The following ANXA4 variants were observed in gnomAD, a reference collection of about 807,000 sequenced individuals.
ANXA4 encodes annexin A4, also known as 35-beta calcimedin.
A neutral mutation model predicts 49.8 loss-of-function variants in ANXA4; 39 were observed. The observed-to-expected ratio is 0.78, with a 90% confidence interval of 0.61 to 1.02. ANXA4 has a LOEUF of 1.02. ANXA4 is among the 50% of genes least tolerant of loss of function. The pLI is 0.00. For synonymous variants in ANXA4, 134 were observed against 152.5 expected, an observed-to-expected ratio of 0.88 and a Z score of 0.89; for missense variants, 360 against 410.1, an observed-to-expected ratio of 0.88 and a Z score of 1.05.
chr2:69,690,042 G>C (rs956270784), intron 2 of ANXA4, among the ~76,000 whole-genome samples: 10 of 152,044 alleles, frequency 6.6e-5, no homozygotes, highest in African/African-American at 2.2e-4. Context: ...AAAGTCTAAG[G>C]ATCACTCCAT....
rs1674443105 is a variant in ANXA4, at chr2:69,825,675, A to G, written c.*160A>G. On this transcript the variant is annotated 3_prime_UTR_variant, in exon 13 of 13. Coordinates refer to ENST00000394295, the MANE Select transcript of ANXA4 (RefSeq NM_001153.5). ...AGACTGTCTGTATTATTATTCACCT[A>G]TAATTAGTCATTATGATGCTTTAAA... 2 of 524,502 alleles carry G rather than the reference A, an allele frequency of 3.8e-6. No homozygotes were observed. The highest frequency in any genetic ancestry group is 3.8e-5 in the Admixed American group (1 of 26,022). The allele number at this position is 524,502 out of a possible 1,614,324, so 32.5% of individuals were successfully genotyped here.
intron 3 of ANXA4, among the ~76,000 whole-genome samples, chr2:69,727,546 T>G (rs770648170): frequency 1.1e-4 from 16 of 152,370 alleles, no homozygotes; most frequent in Non-Finnish European, 8.8e-5. Flanking sequence ...TATTTTGATA[T>G]TCTGTTTTAT....
At chr2:69,737,258 A>C (rs1209384638), upstream of ANXA4, among the ~76,000 whole-genome samples, 2 of 152,152 alleles carry the variant, frequency 1.3e-5, no homozygotes, top group Non-Finnish European at 2.9e-5. Context: ...AGTCTTCTAA[A>C]GTTTTATCAC....
intron 1 of ANXA4, among the ~76,000 whole-genome samples, chr2:69,749,922 CA>C (rs70954355): frequency 7.6e-4 from 106 of 138,912 alleles, no homozygotes; most frequent in South Asian, 9.2e-4. Flanking sequence ...GACTCTATCT[CA>C]AAAAAAAAAA....
At chr2:69,649,067 G>A (rs1191762715) in intron 1 of ANXA4, among the ~76,000 whole-genome samples, 3 of 151,744 alleles carry the variant, frequency 2.0e-5, no homozygotes, top group African/African-American at 4.8e-5. Context: ...TGCATTTTTA[G>A]TAGAGATGGG....
intron 1 of ANXA4, among the ~76,000 whole-genome samples, chr2:69,745,983 CT>C (rs1670595654): frequency 6.6e-6 from 1 of 151,922 alleles, no homozygotes; most frequent in Non-Finnish European, 1.5e-5. Context: ...TAAAACCTTC[CT>C]TCTCAAGGAT....
chr2:69,691,082 G>A (rs1677948637), intron 2 of ANXA4, among the ~76,000 whole-genome samples: 1 of 151,770 alleles, frequency 6.6e-6, no homozygotes, highest in East Asian at 1.9e-4. Flanking sequence ...ACTCTGCCTG[G>A]GAGAACCGCC....
At chr2:69,647,836 T>C (rs1478717692) in intron 1 of ANXA4, among the ~76,000 whole-genome samples, 6 of 152,194 alleles carry the variant, frequency 3.9e-5, no homozygotes, top group African/African-American at 1.4e-4. Flanking sequence ...AGATTACAGA[T>C]GTGAGCCACC....
At chr2:69,715,348 C>T (rs1316409641) in intron 2 of ANXA4, among the ~76,000 whole-genome samples, 3 of 152,184 alleles carry the variant, frequency 2.0e-5, no homozygotes, top group African/African-American at 7.2e-5. Context: ...GCTGGGATTA[C>T]AGGTACGCAC....
Position 69,784,726 on chromosome 2 carries a change from A to G in ANXA4, c.9+3152A>G, listed in dbSNP as rs577705725. ...TCCAAAGCAAGGTGTCAGCAGAGCC[A>G]TGCTCCCTTTGACACCTGTGCAGAA... On this transcript the variant is annotated intron_variant, in intron 2 of 12. Transcript: ENST00000394295. Among the ~76,000 whole-genome samples the G allele has an allele frequency of 1.7e-3, 265 of 152,338 alleles. 1 individual carries two copies. Among genetic ancestry groups the G allele is most frequent in the Admixed American group, 3.6e-3 (55 of 15,300 alleles).
At chr2:69,703,429 C>G (rs900430488) in intron 2 of ANXA4, among the ~76,000 whole-genome samples, 4 of 152,090 alleles carry the variant, frequency 2.6e-5, no homozygotes, top group African/African-American at 7.2e-5. Context: ...ATTTTCATGT[C>G]CCCACGAGTC....
chr2:69,750,909 G>A (rs529920595), intron 1 of ANXA4, among the ~76,000 whole-genome samples: 13 of 152,290 alleles, frequency 8.5e-5, no homozygotes, highest in Non-Finnish European at 1.0e-4. Flanking sequence ...TTTGGAGCCT[G>A]GACCCCTATC....
In ANXA4 at chr2:69,718,782, CAT is replaced by C. The variant is rs766845384; in HGVS notation, n.767-1991_767-1990del. 2.6e-5 allele frequency among the ~76,000 whole-genome samples: 4 copies of C among 151,300 alleles called. No homozygotes were observed. In the East Asian group the frequency reaches 5.8e-4, roughly 22 times the overall value. ...ACACACATACACACACATTCACACACATGCATACACATACGTGCATACACACA... is the reference window on the plus strand; with the variant it reads ...ACACACATACACACACATTCACACACGCATACACATACGTGCATACACACA... On this transcript the variant is annotated intron_variant and non_coding_transcript_variant, in intron 2 of 3. Transcript: ENST00000418066.
chr2:69,746,291 T>C lies in ANXA4; in HGVS notation c.-47+4116T>C, dbSNP rs1024308290. On this transcript the variant is annotated intron_variant, in intron 1 of 12. Transcript: ENST00000394295. Reference sequence around the variant, plus strand: ...TCCCAAAGTGCTGGGATTACAGATGTGAGCCACTGCGCCCGGCCAAGGATA... The same window carrying C: ...TCCCAAAGTGCTGGGATTACAGATGCGAGCCACTGCGCCCGGCCAAGGATA... Among the ~76,000 whole-genome samples the C allele has an allele frequency of 8.5e-5, 13 of 152,322 alleles. 1 individual carries two copies. The South Asian group carries it at 2.3e-3, about 27-fold the overall frequency.
rs558515274 is a variant in ANXA4, at chr2:69,717,594, G to A, written n.767-3180G>A. 3.3e-4 allele frequency among the ~76,000 whole-genome samples: 51 copies of A among 152,274 alleles called. 1 individual carries two copies. The highest frequency in any genetic ancestry group is 3.4e-3 in the Middle Eastern group (1 of 294). The stretch of plus-strand genomic sequence containing the variant: ...ATCCTTTTCATTTCTGGAATTACCC[G>A]TCGCTGCATCTTTCTGTTACCGCCA... On this transcript the variant is annotated intron_variant and non_coding_transcript_variant, in intron 2 of 3. Transcript: ENST00000418066.
At chr2:69,738,924 G>A (rs963131136), upstream of ANXA4, among the ~76,000 whole-genome samples, 1 of 152,214 alleles carries the variant, frequency 6.6e-6, no homozygotes, top group Non-Finnish European at 1.5e-5. Context: ...ACAAAATCAT[G>A]AGATATAATG....
chr2:69,823,332 A>C (rs1046588739), intron 12 of ANXA4, among the ~76,000 whole-genome samples: 2 of 151,576 alleles, frequency 1.3e-5, no homozygotes, highest in African/African-American at 4.8e-5. Flanking sequence ...AATAGTTGTC[A>C]AAAGAAATGA....
intron 1 of ANXA4, among the ~76,000 whole-genome samples, chr2:69,761,010 A>AC (rs1671262288): frequency 6.6e-6 from 1 of 151,306 alleles, no homozygotes; most frequent in Non-Finnish European, 1.5e-5. Context: ...AAATTAATTA[A>AC]TTAATTAATT....
At chr2:69,695,319 C>T (rs1285560370) in intron 2 of ANXA4, among the ~76,000 whole-genome samples, 1 of 152,166 alleles carries the variant, frequency 6.6e-6, no homozygotes, top group Non-Finnish European at 1.5e-5. Flanking sequence ...TAACCTTTGA[C>T]TTTGTCCTGG....
Sources: allele counts gnomAD v4.1 joint callset (sites outside exome capture counted in the v4.1 genomes callset), GRCh38; gene constraint gnomAD v4.1.1; transcripts MANE v1.5; gene names NCBI Gene and HGNC (gene_info 2026-07-23, HGNC 2026-07-21).